The following XKR6 variants were observed in gnomAD, a reference collection of about 807,000 sequenced individuals.
The protein encoded by XKR6 is XK related 6.
In XKR6, 22 loss-of-function variants were observed where a neutral mutation model predicts 56.7. The ratio of observed to expected loss-of-function variants is 0.39; its 90% CI spans 0.28 to 0.55. The LOEUF (loss-of-function observed/expected upper bound fraction) is 0.55, where lower values mean the gene tolerates loss of function less well. Ranked by LOEUF, XKR6 falls within the 20% of genes least tolerant of loss-of-function variation. The probability of loss-of-function intolerance (pLI) is 0.66; values close to 1 mark genes in which losing one functional copy is unlikely to be tolerated. For missense variants in XKR6, 852 were observed against 889.0 expected, an observed-to-expected ratio of 0.96 and a Z score of 0.53; for synonymous variants, 524 against 387.8, an observed-to-expected ratio of 1.35 and a Z score of -4.13.
At chr8:10,998,349 T>C (rs1400044704) in intron 1 of XKR6, among the ~76,000 whole-genome samples, 1 of 152,166 alleles carries the variant, frequency 6.6e-6, no homozygotes, top group Non-Finnish European at 1.5e-5. Context: ...AGCTGTCACA[T>C]CTGCAGAATT....
At chr8:11,162,157 A>C (rs1801845542) in intron 1 of XKR6, among the ~76,000 whole-genome samples, 3 of 152,218 alleles carry the variant, frequency 2.0e-5, no homozygotes, top group African/African-American at 7.2e-5. Context: ...AGGAAGCCAA[A>C]TGTTTTCAAA....
At chr8:10,932,147 C>A (rs1039318572) in intron 1 of XKR6, among the ~76,000 whole-genome samples, 2 of 152,078 alleles carry the variant, frequency 1.3e-5, no homozygotes, top group Admixed American at 1.3e-4. Context: ...GTGAAAAAAA[C>A]CCCACAATGA....
intron 1 of XKR6, among the ~76,000 whole-genome samples, chr8:11,142,841 T>C (rs1483500361): frequency 6.6e-6 from 1 of 152,146 alleles, no homozygotes; most frequent in Non-Finnish European, 1.5e-5. Flanking sequence ...TGAGCTTCAA[T>C]GAGGATGAGA....
chr8:11,113,785 A>C (rs2129180667), intron 1 of XKR6: 1 of 157,196 alleles, frequency 6.4e-6, no homozygotes, highest in South Asian at 1.8e-4. Flanking sequence ...ACAGCTCTAA[A>C]AGGTTTAATT....
At chr8:11,136,722 A>G (rs1800422078) in intron 1 of XKR6, among the ~76,000 whole-genome samples, 1 of 152,164 alleles carries the variant, frequency 6.6e-6, no homozygotes, top group Non-Finnish European at 1.5e-5. Context: ...GGTCTTCACC[A>G]GGACCAACTC....
intron 2 of XKR6, among the ~76,000 whole-genome samples, chr8:10,920,664 C>T (rs28655629): frequency 6.6e-6 from 1 of 152,114 alleles, no homozygotes; most frequent in African/African-American, 2.4e-5. Context: ...AAAATTGTCT[C>T]GTGATGAGGA....
intron 1 of XKR6, among the ~76,000 whole-genome samples, chr8:11,035,559 G>T (rs933277083): frequency 3.9e-5 from 6 of 152,238 alleles, no homozygotes; most frequent in African/African-American, 1.4e-4. Flanking sequence ...GTTCTGCTCT[G>T]CAGCTGAACT....
intron 1 of XKR6, chr8:11,114,027 G>C (rs912806399): frequency 7.2e-6 from 3 of 418,528 alleles, no homozygotes; most frequent in South Asian, 1.7e-5. Context: ...TCACCTTCTA[G>C]TCAGAAATCA....
chr8:11,178,550 A>ATATATATATATATATATGTG (rs1563197750), intron 1 of XKR6, among the ~76,000 whole-genome samples: 6 of 95,408 alleles, frequency 6.3e-5, no homozygotes, highest in African/African-American at 5.8e-4. Context: ...AGGTAAAAAT[A>ATATATATATATATATATGTG]TATATATATA....
intron 1 of XKR6, among the ~76,000 whole-genome samples, chr8:11,021,217 G>C (rs1441237451): frequency 2.6e-5 from 4 of 152,206 alleles, no homozygotes; most frequent in Non-Finnish European, 5.9e-5. Context: ...GGAAGGCACT[G>C]CAGGTCTCAC....
intron 1 of XKR6, among the ~76,000 whole-genome samples, chr8:11,082,325 C>G (rs75613023): frequency 2.0e-5 from 3 of 152,166 alleles, no homozygotes; most frequent in Admixed American, 1.3e-4. Flanking sequence ...CTTTGCACCC[C>G]GTTACGAATG....
chr8:10,912,512 A>G lies in XKR6; in HGVS notation c.961+12122T>C, dbSNP rs550179483. On this transcript the variant is annotated intron_variant, in intron 2 of 2. Transcript: ENST00000416569. ...AGACAGGGTGTGTATGTGTGTGTATATACATAGAGAGAGTGAGTATATATA... is the reference window on the plus strand; with the variant it reads ...AGACAGGGTGTGTATGTGTGTGTATGTACATAGAGAGAGTGAGTATATATA... Among the ~76,000 whole-genome samples the G allele has an allele frequency of 4.2e-5, 6 of 141,824 alleles. No individual in the cohort carries two copies. In the South Asian group the frequency reaches 1.4e-3, roughly 33 times the overall value. The allele number at this position is 141,824 out of a possible 152,430, so 93.0% of individuals were successfully genotyped here.
chr8:11,006,000 C>G (rs577804187), intron 1 of XKR6, among the ~76,000 whole-genome samples: 1 of 151,836 alleles, frequency 6.6e-6, no homozygotes, highest in Non-Finnish European at 1.5e-5. Context: ...CCCGCTACCA[C>G]GCCTGGATAA....
intron 1 of XKR6, among the ~76,000 whole-genome samples, chr8:11,176,772 G>A (rs1229855622): frequency 2.0e-5 from 3 of 151,884 alleles, no homozygotes; most frequent in Admixed American, 6.6e-5. Flanking sequence ...CCCCCACCCC[G>A]CAAAGCCACC....
intron 1 of XKR6, among the ~76,000 whole-genome samples, chr8:10,995,312 C>T (rs890172665): frequency 4.0e-5 from 6 of 151,004 alleles, no homozygotes; most frequent in Non-Finnish European, 7.4e-5. Context: ...CCCAGGAGTT[C>T]AGGACCAGCC....
intron 1 of XKR6, among the ~76,000 whole-genome samples, chr8:10,996,220 A>AT (rs1383389380): frequency 6.6e-6 from 1 of 152,138 alleles, no homozygotes; most frequent in Admixed American, 6.5e-5. Flanking sequence ...ACCCACTGTG[A>AT]TTTTTTTACT....
chr8:10,953,291 C>T lies in XKR6; in HGVS notation c.765-28461G>A, dbSNP rs553295271. Among the ~76,000 whole-genome samples, 11 of 152,256 alleles carry T rather than the reference C, an allele frequency of 7.2e-5. No individual in the cohort carries two copies. In the South Asian group the frequency reaches 2.1e-3, roughly 29 times the overall value. ...GCACCATCTTCCTTGGTGCTCTCCT[C>T]GAGAGAGTGAGTGAATTCTCTGGAG... On this transcript the variant is annotated intron_variant, in intron 1 of 2. Transcript: ENST00000416569.
intron 1 of XKR6, among the ~76,000 whole-genome samples, chr8:11,074,278 G>A (rs775995720): frequency 6.6e-6 from 1 of 152,190 alleles, no homozygotes; most frequent in Non-Finnish European, 1.5e-5. Flanking sequence ...CTAGTGTGCC[G>A]TTTCCCGGCC....
At chr8:10,950,564 G>C (rs550779265) in intron 1 of XKR6, among the ~76,000 whole-genome samples, 2 of 152,344 alleles carry the variant, frequency 1.3e-5, no homozygotes, top group African/African-American at 4.8e-5. Flanking sequence ...TTGACTTCCA[G>C]CAGGTGCAAA....
Sources: gnomAD v4.1 joint callset for allele counts (sites outside exome capture counted in the v4.1 genomes callset) on GRCh38, gnomAD v4.1.1 for gene constraint, MANE v1.5 for transcripts, NCBI Gene and HGNC (gene_info 2026-07-23, HGNC 2026-07-21) for gene names.